The following MAX variants were observed in gnomAD, a reference collection of about 807,000 sequenced individuals.
MAX encodes MYC associated transcriptional regulator X.
In MAX, 3 loss-of-function variants were observed where a neutral mutation model predicts 22.3. The ratio of observed to expected loss-of-function variants is 0.13; its 90% confidence interval spans 0.06 to 0.35. The LOEUF (loss-of-function observed/expected upper bound fraction) is 0.35, where lower values mean the gene tolerates loss of function less well. MAX is among the 10% of genes least tolerant of loss of function. The pLI is 1.00. For synonymous variants in MAX, 72 were observed against 77.7 expected (o/e 0.93, Z 0.39); for missense variants, 119 against 209.4 (o/e 0.57, Z 2.66).
Position 65,062,926 on chromosome 14 carries a change from G to A in MAX, c.171+30782C>T, listed in dbSNP as rs888761509. The stretch of plus-strand genomic sequence containing the variant: ...CTCCACACACTGCACTTCATGGTCT[G>A]TCTCCGACAGACAGCAAGGACTGGG... On this transcript the variant is annotated intron_variant, in intron 3 of 3. Coordinates refer to the MAX transcript ENST00000341653. The surrounding 1 kb of genome is among the most constrained non-coding windows in gnomAD (Gnocchi z 4.3). Among the ~76,000 whole-genome samples the A allele has an allele frequency of 4.6e-5, 7 of 152,208 alleles. No individual in the cohort carries two copies. Among genetic ancestry groups the A allele is most frequent in the Non-Finnish European group, 1.0e-4 (7 of 68,030 alleles).
intron 3 of MAX, among the ~76,000 whole-genome samples, chr14:65,039,784 T>C (rs753503259): frequency 2.0e-4 from 30 of 152,244 alleles, no homozygotes; most frequent in Admixed American, 1.6e-3. Context: ...GGCCTAATTA[T>C]AATTTTTAAA....
chr14:65,061,245 T>TACAGAAGCCAGTCCCAGGTTTTGAGG (rs1292039953), intron 3 of MAX: 3 of 1,614,202 alleles, frequency 1.9e-6, no homozygotes, highest in Admixed American at 3.3e-5. Context: ...ACATACTTTC[T>TACAGAAGCCAGTCCCAGGTTTTGAGG]ACAGAAGCCA....
chr14:65,047,182 T>A lies in MAX; in HGVS notation c.172-40898A>T, dbSNP rs1325018243. 1.3e-5 allele frequency among the ~76,000 whole-genome samples: 2 copies of A among 152,242 alleles called. No individual in the cohort carries two copies. The highest frequency in any genetic ancestry group is 6.5e-5 in the Admixed American group (1 of 15,288). On this transcript the variant is annotated intron_variant, in intron 3 of 3. Transcript: ENST00000341653. This position sits in a 1 kb window ranked among gnomAD's most constrained non-coding sequence, Gnocchi z 5.2. ...GGAGTCTTCCCAAGCCCTCACTGTA[T>A]GCCAGGGGCTGTACTGAGCATTTCA...
At chr14:65,058,632 T>A (rs1205744809) in intron 3 of MAX, among the ~76,000 whole-genome samples, 2 of 152,256 alleles carry the variant, frequency 1.3e-5, no homozygotes, top group East Asian at 3.8e-4. Context: ...TGATATTCAC[T>A]TTTATTCCTG....
At chr14:65,026,268 A>T (rs182637045) in intron 3 of MAX, among the ~76,000 whole-genome samples, 2 of 152,338 alleles carry the variant, frequency 1.3e-5, no homozygotes, top group Admixed American at 6.5e-5. Context: ...TTTCTGGTGC[A>T]CTTCGGAAGA....
intron 3 of MAX, among the ~76,000 whole-genome samples, chr14:65,060,370 C>T (rs921075366): frequency 6.7e-6 from 1 of 149,876 alleles, no homozygotes; most frequent in Non-Finnish European, 1.5e-5. Flanking sequence ...GGGTGGATCA[C>T]CTGAGGTCAG....
Position 65,032,164 on chromosome 14 carries a change from ATAGT to A in MAX, c.172-25884_172-25881del, listed in dbSNP as rs1382570693. The stretch of plus-strand genomic sequence containing the variant: ...GCAGTTTATCTGTTGCAGAAAAAGT[ATAGT>A]TAATCTTTAATGTGTCAAGGCTGTA... On this transcript the variant is annotated intron_variant, in intron 3 of 3. Transcript: ENST00000341653. This position sits in a 1 kb window ranked among gnomAD's most constrained non-coding sequence, Gnocchi z 5.0. Among the ~76,000 whole-genome samples the A allele has an allele frequency of 6.6e-6, 1 of 152,156 alleles. No homozygotes were observed. Among genetic ancestry groups the A allele is most frequent in the Non-Finnish European group, 1.5e-5 (1 of 68,024 alleles).
chr14:65,078,531 TTG>T lies in MAX; in HGVS notation c.172-497_172-496del, dbSNP rs1390903689. On this transcript the variant is annotated intron_variant, in intron 3 of 4. Coordinates refer to ENST00000358664, the MANE Select transcript of MAX (RefSeq NM_002382.5). The surrounding 1 kb of genome is among the most constrained non-coding windows in gnomAD (Gnocchi z 6.4). ...CAGCCTGTTGTTGTTGTTGTTGTTG[TTG>T]TTTTTTTTTTTTTGGAGACGTAGTC... Among the ~76,000 whole-genome samples the T allele has an allele frequency of 2.8e-4, 41 of 146,086 alleles. 1 individual carries two copies. The highest frequency in any genetic ancestry group is 1.2e-3 in the Admixed American group (18 of 14,686).
intron 3 of MAX, chr14:65,083,802 T>C (rs753426494): frequency 2.0e-5 from 22 of 1,124,756 alleles, no homozygotes; most frequent in South Asian, 3.2e-5. Context: ...TGAAACCATT[T>C]ATTTTCTGAA....
chr14:65,044,679 C>T lies in MAX; in HGVS notation c.172-38395G>A. 1 of 606,966 alleles carries T rather than the reference C, an allele frequency of 1.6e-6. No individual in the cohort carries two copies. Among genetic ancestry groups the T allele is most frequent in the Non-Finnish European group, 2.6e-6 (1 of 384,152 alleles). The allele number at this position is 606,966 out of a possible 1,614,324, so 37.6% of individuals were successfully genotyped here. ...AATTGGCTGCGACAGAATGAGCTTC[C>T]TTGAAATTGCTACGGGGAGCGGGGA... is the stretch of plus-strand genomic sequence containing the variant. On this transcript the variant is annotated intron_variant, in intron 3 of 3. Transcript: ENST00000341653. The surrounding 1 kb of genome is among the most constrained non-coding windows in gnomAD (Gnocchi z 5.5).
chr14:65,037,420 T>C (rs112085748), intron 3 of MAX, among the ~76,000 whole-genome samples: 10 of 106,724 alleles, frequency 9.4e-5, no homozygotes, highest in Admixed American at 3.9e-4. Flanking sequence ...TTTTTTTTTT[T>C]TTTTTTTTTT....
At chr14:65,021,282 C>A (rs997939739) in intron 3 of MAX, among the ~76,000 whole-genome samples, 15 of 152,110 alleles carry the variant, frequency 9.9e-5, no homozygotes, top group African/African-American at 3.6e-4. Flanking sequence ...TTAAAAATTG[C>A]CTTTAACTTA....
rs373395161 is a variant in MAX at position 65,031,640 on chromosome 14, C to T, written c.172-25356G>A. On this transcript the variant is annotated intron_variant, in intron 3 of 3. Transcript: ENST00000341653. The surrounding 1 kb of genome is among the most constrained non-coding windows in gnomAD (Gnocchi z 4.6). ...CTAATAATGCTTTTTTAAAAAATAG[C>T]CCGGGCGCGGTGGCTTATGCCTGTA... 1.1e-4 allele frequency among the ~76,000 whole-genome samples: 17 copies of T among 151,938 alleles called. No homozygotes were observed. The highest frequency in any genetic ancestry group is 5.8e-4 in the East Asian group (3 of 5,130).
chr14:65,040,259 GTATATATATGTATATATATGTGTGTATA>G (rs1281038446), intron 3 of MAX, among the ~76,000 whole-genome samples: 3 of 144,984 alleles, frequency 2.1e-5, no homozygotes, highest in Non-Finnish European at 3.0e-5. Context: ...ATATATATAT[GTATATATATGTATATATATGTGTGTATA>G]TATATATATG....
intron 3 of MAX, among the ~76,000 whole-genome samples, chr14:65,080,674 G>A (rs1301914316): frequency 6.6e-6 from 1 of 152,184 alleles, no homozygotes; most frequent in Non-Finnish European, 1.5e-5. Flanking sequence ...CATCACTGAT[G>A]TAATTTACAT....
At chr14:65,037,315 G>T (rs1267042182) in intron 3 of MAX, among the ~76,000 whole-genome samples, 1 of 147,470 alleles carries the variant, frequency 6.8e-6, no homozygotes, top group East Asian at 2.0e-4. Flanking sequence ...TGTTGGCCAG[G>T]CTGGTCTCGA....
At position 65,044,371 on chromosome 14, in the gene MAX, C is replaced by G; in HGVS notation, c.172-38087G>C. ...AGGATTTCAGGGCCGCTGCAACAAGCTGGTGGATGGCTGCTACTCCTTCTG... is the reference window on the plus strand; with the variant it reads ...AGGATTTCAGGGCCGCTGCAACAAGGTGGTGGATGGCTGCTACTCCTTCTG... On this transcript the variant is annotated intron_variant, in intron 3 of 3. Transcript: ENST00000341653. The surrounding 1 kb of genome is among the most constrained non-coding windows in gnomAD (Gnocchi z 5.5). The G allele has an allele frequency of 6.2e-7, 1 of 1,613,526 alleles. No homozygotes were observed.
At chr14:65,051,689 T>C (rs1432516974) in intron 3 of MAX, among the ~76,000 whole-genome samples, 12 of 152,212 alleles carry the variant, frequency 7.9e-5, no homozygotes, top group Non-Finnish European at 1.8e-4. Flanking sequence ...TCATAAACTT[T>C]TCATTTTTAT....
rs767329195 is a variant in MAX, at chr14:65,011,431, GAA to G, written c.172-5149_172-5148del. Among the ~76,000 whole-genome samples the G allele has an allele frequency of 2.4e-4, 19 of 80,056 alleles. No individual in the cohort carries two copies. The South Asian group carries it at 2.7e-3, about 11-fold the overall frequency. The allele number at this position is 80,056 out of a possible 152,430, so 52.5% of individuals were successfully genotyped here. ...GTGACAGAGCGAGACTCCGTCTCAG[GAA>G]AAAAAAAAAAAAAAAAAAAGACTGC... is the stretch of plus-strand genomic sequence containing the variant. On this transcript the variant is annotated intron_variant, in intron 3 of 3. Coordinates refer to the MAX transcript ENST00000341653. The surrounding 1 kb of genome is among the most constrained non-coding windows in gnomAD (Gnocchi z 4.0).
Sources: gnomAD v4.1 joint callset for allele counts (sites outside exome capture counted in the v4.1 genomes callset) on GRCh38, gnomAD v4.1.1 for gene constraint, Gnocchi (gnomAD v3.1) non-coding constraint, MANE v1.5 for transcripts, NCBI Gene and HGNC (gene_info 2026-07-23, HGNC 2026-07-21) for gene names.